Variants in ZNF503 observed in about 807,000 individuals in gnomAD.
The protein encoded by ZNF503 is NocA-like zinc finger 2.
Under a neutral mutation model 34.4 loss-of-function variants are expected in ZNF503, and 15 were observed. The observed-to-expected ratio is 0.44, with a 90% CI of 0.29 to 0.67. ZNF503 has a LOEUF of 0.67. Ranked by LOEUF, ZNF503 falls within the 30% of genes least tolerant of loss-of-function variation. ZNF503 has a pLI of 0.13. For synonymous variants in ZNF503, 580 were observed against 456.8 expected, an observed-to-expected ratio of 1.27 and a Z score of -3.44; for missense variants, 1,007 against 926.8, an observed-to-expected ratio of 1.09 and a Z score of -1.12.
rs983446455 is a variant in ZNF503, at chr10:75,398,393, T to C, written c.*356A>G. On this transcript the variant is annotated 3_prime_UTR_variant, in exon 2 of 2. Transcript: ENST00000372524. ...GAGCTCAAACTAAATAATGCACTTT[T>C]GAACCACCGGTCCGCTTGGAGCTAA... The C allele has an allele frequency of 5.3e-6, 1 of 188,184 alleles. No individual in the cohort carries two copies. The highest frequency in any genetic ancestry group is 6.2e-5 in the Admixed American group (1 of 16,218). The allele number at this position is 188,184 out of a possible 1,614,324, so 11.7% of individuals were successfully genotyped here.
the ZNF503 span, among the ~76,000 whole-genome samples, chr10:75,345,684 G>A: frequency 1.3e-5 from 2 of 150,908 alleles, no homozygotes; most frequent in Admixed American, 6.6e-5. Context: ...AAAAAGAAAG[G>A]ACCCCAGAGG....
At chr10:75,378,932 C>T in the ZNF503 span, among the ~76,000 whole-genome samples, 6 of 152,158 alleles carry the variant, frequency 3.9e-5, no homozygotes, top group Non-Finnish European at 7.4e-5. Context: ...TCCTGAACCA[C>T]AAGAAGGTCC....
At chr10:75,284,388 G>T in the ZNF503 span, among the ~76,000 whole-genome samples, 23 of 147,490 alleles carry the variant, frequency 1.6e-4, no homozygotes, top group African/African-American at 4.2e-4. Context: ...GGGGGCGTTG[G>T]TGGGGAGGGT....
the ZNF503 span, among the ~76,000 whole-genome samples, chr10:75,322,257 G>T: frequency 3.3e-5 from 5 of 151,674 alleles, no homozygotes; most frequent in African/African-American, 1.2e-4. Flanking sequence ...CTGAGTAGCT[G>T]GGTCTACAGG....
the ZNF503 span, among the ~76,000 whole-genome samples, chr10:75,340,561 T>C: frequency 6.6e-6 from 1 of 152,080 alleles, no homozygotes; most frequent in Non-Finnish European, 1.5e-5. Flanking sequence ...CTTCATAGAA[T>C]ACCATGCATC....
chr10:75,388,912 G>A, the ZNF503 span, among the ~76,000 whole-genome samples: 1 of 152,188 alleles, frequency 6.6e-6, no homozygotes, highest in Non-Finnish European at 1.5e-5. Flanking sequence ...GCAGGCCCAT[G>A]AACTACATGA....
the ZNF503 span, chr10:75,295,746 G>C: frequency 6.6e-6 from 1 of 152,184 alleles, no homozygotes; most frequent in Non-Finnish European, 1.5e-5. The surrounding 1 kb of genome is among the most constrained non-coding windows in gnomAD (Gnocchi z 4.0). Flanking sequence ...CTAATGGACT[G>C]CCAGCCAGCA....
the ZNF503 span, among the ~76,000 whole-genome samples, chr10:75,293,346 GA>G: frequency 4.6e-5 from 7 of 152,154 alleles, no homozygotes; most frequent in Non-Finnish European, 1.0e-4. Context: ...AGGACAGGTG[GA>G]ACAAGTTGCC....
At chr10:75,334,292 G>A in the ZNF503 span, among the ~76,000 whole-genome samples, 2 of 152,328 alleles carry the variant, frequency 1.3e-5, no homozygotes, top group Admixed American at 6.5e-5. Context: ...ACATATTTAA[G>A]TTCTCTGTTG....
At chr10:75,310,885 C>T in the ZNF503 span, among the ~76,000 whole-genome samples, 3 of 152,066 alleles carry the variant, frequency 2.0e-5, no homozygotes, top group Non-Finnish European at 4.4e-5. Flanking sequence ...TTAAAAAAGT[C>T]CCATAGTCTC....
the ZNF503 span, among the ~76,000 whole-genome samples, chr10:75,308,688 C>G: frequency 2.6e-5 from 4 of 152,102 alleles, no homozygotes; most frequent in Admixed American, 2.0e-4. Flanking sequence ...TCATAAATGA[C>G]TTTGAGGTTG....
At chr10:75,379,112 T>G in the ZNF503 span, among the ~76,000 whole-genome samples, 1 of 152,156 alleles carries the variant, frequency 6.6e-6, no homozygotes, top group Admixed American at 6.5e-5. Context: ...GAAAGAAATA[T>G]GGGCGGGTGA....
chr10:75,340,837 G>C, the ZNF503 span, among the ~76,000 whole-genome samples: 1 of 152,048 alleles, frequency 6.6e-6, no homozygotes, highest in Non-Finnish European at 1.5e-5. Flanking sequence ...TCCTGACCTC[G>C]TGATCCACCC....
At chr10:75,301,520 C>A in the ZNF503 span, among the ~76,000 whole-genome samples, 5 of 152,260 alleles carry the variant, frequency 3.3e-5, no homozygotes, top group Admixed American at 2.6e-4. Context: ...GGGTTACAGG[C>A]GTGAGCCACC....
Position 75,401,220 on chromosome 10 carries a change from C to T in ZNF503, c.200G>A (p.Arg67His). Reference sequence around the variant, plus strand: ...CTTGATTGGCAGGCGGTTGGCCTGGCGCAGGGGGTCAGAGGGGGGCACGGC... The same window carrying T: ...CTTGATTGGCAGGCGGTTGGCCTGGTGCAGGGGGTCAGAGGGGGGCACGGC... ...VHAVPPSDPLRQANRLPIKVL... is the reference protein window; with the variant it reads ...VHAVPPSDPLHQANRLPIKVL... Residue 67 changes from arginine (R) to histidine (H), a missense_variant, in exon 1 of 2, where the codon CGC (arginine) becomes CAC (histidine). Transcript: ENST00000372524. The T allele has an allele frequency of 6.2e-7, 1 of 1,607,238 alleles. No individual in the cohort carries two copies. The highest frequency in any genetic ancestry group is 8.5e-7 in the Non-Finnish European group (1 of 1,176,374).
the ZNF503 span, among the ~76,000 whole-genome samples, chr10:75,324,329 T>G: frequency 2.8e-5 from 1 of 35,392 alleles, no homozygotes; most frequent in Admixed American, 2.2e-4. Flanking sequence ...TGTTTTTCTG[T>G]TTTTTTTTTG....
chr10:75,324,769 ATC>A, the ZNF503 span, among the ~76,000 whole-genome samples: 1 of 152,222 alleles, frequency 6.6e-6, no homozygotes, highest in Non-Finnish European at 1.5e-5. Flanking sequence ...AATCACCACT[ATC>A]TAATTCTAGG....
chr10:75,342,267 C>G, the ZNF503 span, among the ~76,000 whole-genome samples: 5 of 152,118 alleles, frequency 3.3e-5, no homozygotes, highest in Admixed American at 6.6e-5. Flanking sequence ...CAGACAGACG[C>G]GGTCACACAC....
At chr10:75,371,861 C>T in the ZNF503 span, among the ~76,000 whole-genome samples, 1 of 152,242 alleles carries the variant, frequency 6.6e-6, no homozygotes, top group Non-Finnish European at 1.5e-5. Context: ...CATCTTACCT[C>T]TGCCACTGTC....
Sources: allele counts gnomAD v4.1 joint callset (sites outside exome capture counted in the v4.1 genomes callset), GRCh38; gene constraint gnomAD v4.1.1; non-coding constraint Gnocchi (gnomAD v3.1); transcripts MANE v1.5; gene names NCBI Gene and HGNC (gene_info 2026-07-23, HGNC 2026-07-21).